Variants in SARNP observed in about 807,000 individuals in gnomAD.
SARNP encodes the protein SAP domain-containing ribonucleoprotein.
SARNP carries 5 observed loss-of-function variants against 38.1 expected under a neutral mutation model. The observed-to-expected ratio is 0.13, with a 90% CI of 0.07 to 0.28. The LOEUF is 0.28. Among genes scored for constraint, SARNP ranks in the 10% least tolerant of loss-of-function variants. The pLI is 1.00. For missense variants in SARNP, 180 were observed against 243.9 expected, an observed-to-expected ratio of 0.74 and a Z score of 1.75; for synonymous variants, 84 against 80.6, an observed-to-expected ratio of 1.04 and a Z score of -0.23.
intron 2 of SARNP, among the ~76,000 whole-genome samples, chr12:55,802,779 TAGTAGC>T (rs1565681988): frequency 1.3e-5 from 2 of 151,574 alleles, no homozygotes; most frequent in African/African-American, 4.8e-5. Flanking sequence ...GTATCACTTA[TAGTAGC>T]AGAGGCTTGG....
At chr12:55,790,184 A>C (rs1879623766) in intron 8 of SARNP, among the ~76,000 whole-genome samples, 1 of 151,788 alleles carries the variant, frequency 6.6e-6, no homozygotes, top group Non-Finnish European at 1.5e-5. Context: ...AAAAAAAAAA[A>C]AAAAGCACTA....
intron 9 of SARNP, 194 bp from the exon 10 acceptor site, chr12:55,760,834 A>AATT (rs1878652476): frequency 3.8e-6 from 2 of 521,598 alleles, no homozygotes; most frequent in Admixed American, 6.8e-5. Context: ...AATGACTAAA[A>AATT]ACTTAATTTT....
chr12:55,790,501 A>C (rs890799523), intron 8 of SARNP, 66 bp downstream of exon 8: 17 of 1,487,360 alleles, frequency 1.1e-5, no homozygotes, highest in African/African-American at 5.7e-5. Flanking sequence ...GGGGAGGAGG[A>C]GTCTCTAAAG....
downstream of SARNP, chr12:55,756,358 T>C (rs1223806008): frequency 1.3e-5 from 2 of 152,206 alleles, no homozygotes; most frequent in Non-Finnish European, 2.9e-5. Flanking sequence ...ATCTAAACTT[T>C]AGGTCCCTGC....
At chr12:55,784,041 A>G (rs902641203) in intron 9 of SARNP, among the ~76,000 whole-genome samples, 1 of 152,196 alleles carries the variant, frequency 6.6e-6, no homozygotes, top group Admixed American at 6.5e-5. Context: ...CAAGTCCACT[A>G]AAGAGAAATC....
At chr12:55,783,370 C>T (rs1269034015) in intron 9 of SARNP, among the ~76,000 whole-genome samples, 1 of 151,990 alleles carries the variant, frequency 6.6e-6, no homozygotes, top group African/African-American at 2.4e-5. Flanking sequence ...AAAGTCATGC[C>T]ACTCTATCCT....
At chr12:55,794,484 G>A (rs1305421881) in intron 6 of SARNP, 97 bp from the exon 7 acceptor site, 2 of 1,061,390 alleles carry the variant, frequency 1.9e-6, no homozygotes, top group African/African-American at 3.2e-5. Flanking sequence ...TCTTGCTTGT[G>A]ATCTCAAGCC....
chr12:55,814,923 T>C (rs1414313095), intron 1 of SARNP, among the ~76,000 whole-genome samples: 2 of 152,032 alleles, frequency 1.3e-5, no homozygotes, highest in Non-Finnish European at 2.9e-5. Flanking sequence ...CCTCAGAAAT[T>C]TGCTGTTGAT....
Position 55,796,221 on chromosome 12 carries a change from T to C in SARNP, c.252-145A>G, listed in dbSNP as rs1879817020. ...TAAGCCAAAGAAACATGAAGTCCAC[T>C]AGAGCTTTGGTTCCTTTAACTGTCA... On this transcript the variant is annotated intron_variant, in intron 4 of 10. Coordinates refer to ENST00000336133, the MANE Select transcript of SARNP (RefSeq NM_033082.4). 6.6e-6 allele frequency: 4 copies of C among 605,294 alleles called. No individual in the cohort carries two copies. The East Asian group carries it at 1.1e-4, about 17-fold the overall frequency. 37.5% of individuals were successfully genotyped at this position (605,294 alleles called of 1,614,324 possible).
chr12:55,810,503 A>ATT (rs1355672878), intron 1 of SARNP, among the ~76,000 whole-genome samples: 1 of 147,530 alleles, frequency 6.8e-6, no homozygotes, highest in East Asian at 2.0e-4. Flanking sequence ...CTCAGGCTGG[A>ATT]GTACAGTGGC....
intron 1 of SARNP, among the ~76,000 whole-genome samples, chr12:55,805,522 G>C (rs905131969): frequency 2.0e-5 from 3 of 152,156 alleles, no homozygotes; most frequent in African/African-American, 7.2e-5. Flanking sequence ...CAGCAGCCTA[G>C]CTAACATGGT....
chr12:55,755,217 T>G (rs1454019121), downstream of SARNP: 1 of 151,452 alleles, frequency 6.6e-6, no homozygotes, highest in African/African-American at 2.4e-5. Flanking sequence ...GCAAGAGAAC[T>G]CAGCTCAACA....
At chr12:55,773,423 G>A (rs1180750513) in intron 9 of SARNP, among the ~76,000 whole-genome samples, 1 of 152,336 alleles carries the variant, frequency 6.6e-6, no homozygotes, top group South Asian at 2.1e-4. Context: ...TATTTCAGCT[G>A]CAGAGATGTG....
At chr12:55,758,764 C>T (rs527546138) in intron 10 of SARNP, among the ~76,000 whole-genome samples, 1 of 152,124 alleles carries the variant, frequency 6.6e-6, no homozygotes, top group Admixed American at 6.5e-5. Flanking sequence ...TTCCTGAGGC[C>T]TCCCCAGAAG....
intron 9 of SARNP, among the ~76,000 whole-genome samples, chr12:55,768,898 A>G (rs1444040481): frequency 1.3e-5 from 2 of 151,310 alleles, no homozygotes; most frequent in African/African-American, 4.9e-5. Flanking sequence ...AATTTTTTGT[A>G]TTTTTAGTAG....
At chr12:55,788,691 A>G (rs926850173) in intron 9 of SARNP, among the ~76,000 whole-genome samples, 1 of 152,072 alleles carries the variant, frequency 6.6e-6, no homozygotes, top group African/African-American at 2.4e-5. Flanking sequence ...TTTAGCTACG[A>G]GAAAGGCTGA....
At chr12:55,774,592 A>AAAAAAAAAAAAAAAAAAAG (rs1879116905) in intron 9 of SARNP, among the ~76,000 whole-genome samples, 1 of 128,264 alleles carries the variant, frequency 7.8e-6, no homozygotes, top group African/African-American at 2.9e-5. Context: ...AAAAAAAAAA[A>AAAAAAAAAAAAAAAAAAAG]CAAAAATTAG....
rs7294745 is a variant in SARNP at position 55,775,549 on chromosome 12, C to A, written c.501+13526G>T. On this transcript the variant is annotated intron_variant, in intron 9 of 10. Transcript: ENST00000336133. The stretch of plus-strand genomic sequence containing the variant: ...GTCTCAAAAAAAAAAAAACAAAAAA[C>A]AAAAACAAAAAAAAAAAACTATGAA... 7.0e-3 allele frequency among the ~76,000 whole-genome samples: 792 copies of A among 113,908 alleles called. 1 individual carries two copies. Among genetic ancestry groups the A allele is most frequent in the African/African-American group, 0.016 (448 of 27,268 alleles). The allele number at this position is 113,908 out of a possible 152,430, so 74.7% of individuals were successfully genotyped here.
At chr12:55,813,234 G>A (rs573246996) in intron 1 of SARNP, among the ~76,000 whole-genome samples, 93 of 152,192 alleles carry the variant, frequency 6.1e-4, no homozygotes, top group Non-Finnish European at 1.0e-3. Flanking sequence ...ATGAGCCACC[G>A]TGCCCGGCAT....
Sources: gnomAD v4.1 joint callset for allele counts (sites outside exome capture counted in the v4.1 genomes callset) on GRCh38, gnomAD v4.1.1 for gene constraint, MANE v1.5 for transcripts, NCBI Gene and HGNC (gene_info 2026-07-23, HGNC 2026-07-21) for gene names.